The following PDSS2 variants were observed in gnomAD, a reference collection of about 807,000 sequenced individuals.
PDSS2 encodes decaprenyl diphosphate synthase subunit 2.
PDSS2 carries 31 observed loss-of-function variants against 44.5 expected under a neutral mutation model. The observed-to-expected ratio is 0.70, with a 90% CI of 0.52 to 0.94. The LOEUF (loss-of-function observed/expected upper bound fraction) is 0.94. Ranked by LOEUF, PDSS2 falls within the 40% of genes least tolerant of loss-of-function variation. The pLI, the probability that PDSS2 is intolerant of heterozygous loss-of-function variation, is 0.00. For missense variants in PDSS2, 452 were observed against 482.2 expected (o/e 0.94, Z 0.59); for synonymous variants, 157 against 180.3 (o/e 0.87, Z 1.03).
chr6:107,304,003 C>T (rs1776778861), intron 2 of PDSS2, among the ~76,000 whole-genome samples: 1 of 152,198 alleles, frequency 6.6e-6, no homozygotes. Flanking sequence ...GTCCAGGATT[C>T]AGAAAAGAAA....
rs562677967 is a variant in PDSS2, at chr6:107,452,034, T to A, written c.296+6956A>T. On this transcript the variant is annotated intron_variant, in intron 1 of 7. Coordinates refer to ENST00000369037, the MANE Select transcript of PDSS2 (RefSeq NM_020381.4). The stretch of plus-strand genomic sequence containing the variant: ...TCTTTTCTTTCTTCTTCTTTTTTGT[T>A]TTTTAAGTGACAAAGTCTTGCTCTG... 3.9e-5 allele frequency among the ~76,000 whole-genome samples: 6 copies of A among 152,278 alleles called. No homozygotes were observed. In the South Asian group the frequency reaches 1.2e-3, roughly 32 times the overall value.
At chr6:107,424,037 T>A (rs9386640) in intron 1 of PDSS2, among the ~76,000 whole-genome samples, 85 of 2,244 alleles carry the variant, frequency 0.038, 4 homozygotes, top group Admixed American at 0.073. Flanking sequence ...ATCTTGCATC[T>A]TTTTTTTTTT....
intron 6 of PDSS2, among the ~76,000 whole-genome samples, chr6:107,209,769 T>C (rs935295112): frequency 9.2e-5 from 14 of 152,120 alleles, no homozygotes; most frequent in Admixed American, 7.2e-4. Context: ...CTGTGCCTGG[T>C]TTCTCTGTCC....
At chr6:107,403,316 G>A (rs191336495) in intron 1 of PDSS2, among the ~76,000 whole-genome samples, 18 of 152,304 alleles carry the variant, frequency 1.2e-4, no homozygotes, top group Non-Finnish European at 2.2e-4. Context: ...GGCTCCCACC[G>A]TCTTGGGCAA....
intron 1 of PDSS2, among the ~76,000 whole-genome samples, chr6:107,454,638 C>CT (rs1247316605): frequency 1.3e-5 from 2 of 151,398 alleles, no homozygotes; most frequent in Non-Finnish European, 1.5e-5. Context: ...ATGGTGGTTT[C>CT]CTTTTTTTTT....
intron 1 of PDSS2, among the ~76,000 whole-genome samples, chr6:107,383,994 C>A (rs1779530606): frequency 6.6e-6 from 1 of 152,134 alleles, no homozygotes; most frequent in South Asian, 2.1e-4. Flanking sequence ...TTCATAACAG[C>A]CCAAAAGTAG....
In PDSS2 at chr6:107,385,688, A is replaced by G. The variant is rs561959670; in HGVS notation, c.297-51356T>C. On this transcript the variant is annotated intron_variant, in intron 1 of 7. Coordinates refer to ENST00000369037, the MANE Select transcript of PDSS2 (RefSeq NM_020381.4). ...CTTTTACCACAGGACATTAAAACCA[A>G]GAGAACTGACAGCTCAACCCTAAAA... Among the ~76,000 whole-genome samples the G allele has an allele frequency of 2.0e-5, 3 of 152,258 alleles. No homozygotes were observed. The East Asian group carries it at 5.8e-4, about 29-fold the overall frequency.
chr6:107,302,845 C>T (rs959461175), intron 2 of PDSS2, among the ~76,000 whole-genome samples: 5 of 106,664 alleles, frequency 4.7e-5, no homozygotes, highest in African/African-American at 1.4e-4. Flanking sequence ...AAACTTACTA[C>T]CAAAAAAAAA....
intron 7 of PDSS2, among the ~76,000 whole-genome samples, chr6:107,170,174 T>C (rs575854538): frequency 4.1e-4 from 63 of 152,164 alleles, no homozygotes; most frequent in Non-Finnish European, 8.5e-4. Flanking sequence ...GCCTCAGCAA[T>C]GGTGGGCGCC....
At chr6:107,424,347 C>T (rs2114716874) in intron 1 of PDSS2, among the ~76,000 whole-genome samples, 1 of 152,238 alleles carries the variant, frequency 6.6e-6, no homozygotes, top group Non-Finnish European at 1.5e-5. Flanking sequence ...CACACTGGAC[C>T]TTGTATCATT....
At chr6:107,212,841 A>C (rs1284870838) in intron 4 of PDSS2, among the ~76,000 whole-genome samples, 1 of 45,730 alleles carries the variant, frequency 2.2e-5, no homozygotes, top group South Asian at 9.0e-4. Context: ...CTCTACAAAA[A>C]AAAAAAAAAA....
chr6:107,451,474 C>T (rs1305870399), intron 1 of PDSS2, among the ~76,000 whole-genome samples: 1 of 152,090 alleles, frequency 6.6e-6, no homozygotes, highest in Admixed American at 6.6e-5. Context: ...GGGCATAAAA[C>T]CCCTTGTGGC....
chr6:107,329,763 G>C (rs1033153205), intron 2 of PDSS2, among the ~76,000 whole-genome samples: 1 of 152,094 alleles, frequency 6.6e-6, no homozygotes, highest in Non-Finnish European at 1.5e-5. Flanking sequence ...TCATGTAACA[G>C]TTATGTACTG....
At chr6:107,260,768 A>G (rs1456932674) in intron 3 of PDSS2, among the ~76,000 whole-genome samples, 1 of 143,178 alleles carries the variant, frequency 7.0e-6, no homozygotes, top group Non-Finnish European at 1.5e-5. Context: ...TGTTCAAGCC[A>G]TTCTCCTGCC....
intron 4 of PDSS2, among the ~76,000 whole-genome samples, chr6:107,214,806 T>TG (rs1311984969): frequency 6.6e-6 from 1 of 152,226 alleles, no homozygotes; most frequent in African/African-American, 2.4e-5. Flanking sequence ...GTTTTTGAGA[T>TG]GGGGTCTTGC....
intron 1 of PDSS2, among the ~76,000 whole-genome samples, chr6:107,448,177 C>T (rs893180557): frequency 6.6e-6 from 1 of 152,232 alleles, no homozygotes; most frequent in Admixed American, 6.5e-5. Flanking sequence ...GTCTCTGACA[C>T]ATCCTGGAGA....
intron 1 of PDSS2, among the ~76,000 whole-genome samples, chr6:107,421,807 AACACAC>A (rs33978698): frequency 4.8e-5 from 7 of 146,208 alleles, no homozygotes; most frequent in African/African-American, 1.0e-4. Context: ...AATTTCACAG[AACACAC>A]ACACACACAC....
chr6:107,173,572 CAAAAA>C (rs71012783), intron 7 of PDSS2, among the ~76,000 whole-genome samples: 6 of 41,508 alleles, frequency 1.4e-4, no homozygotes, highest in Non-Finnish European at 1.8e-4. Flanking sequence ...GACTCTGTCT[CAAAAA>C]AAAAAAAAAA....
At chr6:107,183,046 A>G (rs1045479930) in intron 7 of PDSS2, among the ~76,000 whole-genome samples, 12 of 152,026 alleles carry the variant, frequency 7.9e-5, no homozygotes, top group Admixed American at 3.9e-4. Context: ...CCTCTTCTCT[A>G]CAAAAAAATT....
Sources: gnomAD v4.1 joint callset for allele counts (sites outside exome capture counted in the v4.1 genomes callset) on GRCh38, gnomAD v4.1.1 for gene constraint, MANE v1.5 for transcripts, NCBI Gene and HGNC (gene_info 2026-07-23, HGNC 2026-07-21) for gene names.